The following SRGAP3 variants were observed in gnomAD, a reference collection of about 807,000 sequenced individuals.
SRGAP3 encodes the protein SLIT-ROBO Rho GTPase-activating protein 3.
SRGAP3 carries 39 observed loss-of-function variants against 121.1 expected under a neutral mutation model. That is an observed-to-expected ratio of 0.32 (90% CI 0.25 to 0.42). SRGAP3 has a LOEUF of 0.42. Ranked by LOEUF, SRGAP3 falls within the 10% of genes least tolerant of loss-of-function variation. The pLI is 1.00. For missense variants in SRGAP3, 1,213 were observed against 1,470.6 expected (o/e 0.82, Z 2.86); for synonymous variants, 601 against 570.0 (o/e 1.05, Z -0.77).
chr3:9,047,488 A>G lies in SRGAP3; in HGVS notation c.1324-13T>C. 1 of 1,613,704 alleles carries G rather than the reference A, an allele frequency of 6.2e-7. No individual in the cohort carries two copies. On this transcript the variant is annotated splice_polypyrimidine_tract_variant and intron_variant, in intron 9 of 21. Coordinates refer to ENST00000383836, the MANE Select transcript of SRGAP3 (RefSeq NM_014850.4). ...ACTCTTTAAATTTCTGTAAGACACAAGGCACAAGGAAGTTATAGATTGCAA... is the reference window on the plus strand; with the variant it reads ...ACTCTTTAAATTTCTGTAAGACACAGGGCACAAGGAAGTTATAGATTGCAA...
chr3:9,043,063 T>TC (rs1194533920), intron 10 of SRGAP3, among the ~76,000 whole-genome samples: 5 of 151,870 alleles, frequency 3.3e-5, no homozygotes, highest in Non-Finnish European at 7.4e-5. Flanking sequence ...CTAAAGCAGG[T>TC]CCCCCCCATC....
chr3:9,252,729 C>T (rs775034097), upstream of SRGAP3, among the ~76,000 whole-genome samples: 7 of 152,322 alleles, frequency 4.6e-5, no homozygotes, highest in South Asian at 2.1e-4. Flanking sequence ...CCAGCCCTCC[C>T]GCTGCCCTCC....
At chr3:9,004,230 T>C (rs990141440) in intron 18 of SRGAP3, among the ~76,000 whole-genome samples, 34 of 152,248 alleles carry the variant, frequency 2.2e-4, no homozygotes, top group Admixed American at 2.1e-3. Context: ...CACTCTGTAG[T>C]TGCCACTCTG....
intron 10 of SRGAP3, 96 bp from the exon 11 acceptor site, chr3:9,038,186 A>G: frequency 6.7e-7 from 1 of 1,495,246 alleles, no homozygotes; most frequent in East Asian, 2.3e-5. Flanking sequence ...ATGAGTCTTA[A>G]TTATTTATGA....
intron 2 of SRGAP3, 144 bp downstream of exon 2, chr3:9,124,581 G>T (rs1431693661): frequency 3.9e-6 from 4 of 1,023,702 alleles, no homozygotes; most frequent in African/African-American, 1.6e-5. Flanking sequence ...GCTTGGAGGT[G>T]TAAGTAACCT....
At position 9,347,586 on chromosome 3, in the gene SRGAP3, T is replaced by C. The variant is rs540556874; in HGVS notation, n.214+15254A>G. Among the ~76,000 whole-genome samples, 10 of 152,348 alleles carry C rather than the reference T, an allele frequency of 6.6e-5. No individual in the cohort carries two copies. In the South Asian group the frequency reaches 2.1e-3, roughly 32 times the overall value. On this transcript the variant is annotated intron_variant and non_coding_transcript_variant, in intron 1 of 3. Transcript: ENST00000490889. ...ACTCAGCCACTGACCTGCAGATTCATACTCTTTATTAGAATATGAAAGACT... is the reference window on the plus strand; with the variant it reads ...ACTCAGCCACTGACCTGCAGATTCACACTCTTTATTAGAATATGAAAGACT...
At position 9,096,982 on chromosome 3, in the gene SRGAP3, C is replaced by CAT. The variant is rs1327130399; in HGVS notation, c.423+7697_423+7698insAT. On this transcript the variant is annotated intron_variant, in intron 3 of 21. Coordinates refer to ENST00000383836, the MANE Select transcript of SRGAP3 (RefSeq NM_014850.4). ...ATATATATATATATATATATATATA[C>CAT]ACATACACACACATATATATATATT... Among the ~76,000 whole-genome samples the CAT allele has an allele frequency of 2.5e-3, 104 of 41,296 alleles. 1 individual carries two copies. The highest frequency in any genetic ancestry group is 4.3e-3 in the Non-Finnish European group (93 of 21,462). The allele number at this position is 41,296 out of a possible 152,430, so 27.1% of individuals were successfully genotyped here. A position where few individuals can be genotyped will look rare whatever the true frequency, so the allele number is the denominator to read the frequency against.
At chr3:9,227,876 A>G (rs1424691482) in intron 1 of SRGAP3, among the ~76,000 whole-genome samples, 1 of 152,136 alleles carries the variant, frequency 6.6e-6, no homozygotes, top group African/African-American at 2.4e-5. Context: ...TAAAACTTCA[A>G]ACTCATCCTT....
At chr3:9,324,695 G>A (rs1242358703) in intron 3 of SRGAP3, among the ~76,000 whole-genome samples, 6 of 151,792 alleles carry the variant, frequency 4.0e-5, no homozygotes, top group Non-Finnish European at 7.4e-5. Flanking sequence ...AGTGGCTCAC[G>A]CCTGTCATCT....
chr3:9,084,568 C>A (rs1947378429), intron 3 of SRGAP3, among the ~76,000 whole-genome samples: 1 of 152,166 alleles, frequency 6.6e-6, no homozygotes, highest in Non-Finnish European at 1.5e-5. Context: ...CAGTGAACTT[C>A]CACTTCTGTA....
At chr3:9,040,247 C>T (rs1944953865) in intron 10 of SRGAP3, among the ~76,000 whole-genome samples, 3 of 152,226 alleles carry the variant, frequency 2.0e-5, no homozygotes, top group Admixed American at 2.0e-4. Context: ...TAGAACCCTC[C>T]AATAACCTCT....
rs191871986 is a variant in SRGAP3, at chr3:9,089,250, A to C, written c.424-9163T>G. 3.6e-3 allele frequency among the ~76,000 whole-genome samples: 449 copies of C among 124,578 alleles called. 1 individual carries two copies. Among genetic ancestry groups the C allele is most frequent in the Middle Eastern group, 0.011 (2 of 190 alleles). 81.7% of individuals were successfully genotyped at this position (124,578 alleles called of 152,430 possible). A position where few individuals can be genotyped will look rare whatever the true frequency, so the allele number is the denominator to read the frequency against. On this transcript the variant is annotated intron_variant, in intron 3 of 21. Transcript: ENST00000383836. ...GTTATCTAATTTAAATATTTACAGG[A>C]ACTGCTATAAGTATTCCCACTTGAC...
chr3:9,357,757 A>G (rs2030596813), intron 1 of SRGAP3, among the ~76,000 whole-genome samples: 1 of 152,192 alleles, frequency 6.6e-6, no homozygotes, highest in African/African-American at 2.4e-5. Context: ...TAATGTGTTA[A>G]TCACATTTAA....
intron 1 of SRGAP3, among the ~76,000 whole-genome samples, chr3:9,341,677 G>A (rs374744540): frequency 8.5e-5 from 13 of 152,052 alleles, no homozygotes; most frequent in Admixed American, 2.6e-4. Context: ...GTTTGTTTGC[G>A]TTATAGAGAT....
intron 9 of SRGAP3, among the ~76,000 whole-genome samples, chr3:9,048,189 A>G (rs1459725581): frequency 6.6e-6 from 1 of 152,258 alleles, no homozygotes; most frequent in Non-Finnish European, 1.5e-5. Flanking sequence ...ACTGAGGGAC[A>G]GAGAATAGGC....
At chr3:9,296,591 T>C (rs1371083226) in intron 3 of SRGAP3, among the ~76,000 whole-genome samples, 1 of 152,226 alleles carries the variant, frequency 6.6e-6, no homozygotes, top group East Asian at 1.9e-4. Flanking sequence ...AGCATAATAG[T>C]TAAGAGTACA....
intron 1 of SRGAP3, among the ~76,000 whole-genome samples, chr3:9,361,762 A>G (rs1006196279): frequency 7.2e-5 from 11 of 152,194 alleles, no homozygotes; most frequent in African/African-American, 2.7e-4. Flanking sequence ...CAGTTTCAAT[A>G]GAACAACCGA....
chr3:9,196,773 A>C (rs1463170948), intron 1 of SRGAP3, among the ~76,000 whole-genome samples: 3 of 152,216 alleles, frequency 2.0e-5, no homozygotes, highest in African/African-American at 7.2e-5. Context: ...CAAAAACCCT[A>C]AATTTTGCAA....
chr3:9,343,594 T>C (rs1955829820), intron 1 of SRGAP3, among the ~76,000 whole-genome samples: 1 of 152,232 alleles, frequency 6.6e-6, no homozygotes, highest in Non-Finnish European at 1.5e-5. Context: ...TTGTATTATA[T>C]ATACTTCTAG....
Sources: allele counts gnomAD v4.1 joint callset (sites outside exome capture counted in the v4.1 genomes callset), GRCh38; gene constraint gnomAD v4.1.1; transcripts MANE v1.5; gene names NCBI Gene and HGNC (gene_info 2026-07-23, HGNC 2026-07-21).